SGCD: variants seen among roughly 807,000 people sequenced by gnomAD.
SGCD encodes the protein delta-sarcoglycan.
In SGCD, 18 loss-of-function variants were observed where a neutral mutation model predicts 36.6. The observed-to-expected ratio is 0.49, with a 90% confidence interval of 0.34 to 0.73. The LOEUF (loss-of-function observed/expected upper bound fraction) is 0.73, where lower values mean the gene tolerates loss of function less well. Among genes scored for constraint, SGCD ranks in the 30% least tolerant of loss-of-function variants. The probability of loss-of-function intolerance (pLI) is 0.01; values close to 1 mark genes in which losing one functional copy is unlikely to be tolerated. For missense variants in SGCD, 387 were observed against 346.7 expected (o/e 1.12, Z -0.92); for synonymous variants, 133 against 130.6 (o/e 1.02, Z -0.12).
At chr5:156,636,192 A>G (rs868416417) in intron 6 of SGCD, among the ~76,000 whole-genome samples, 1 of 152,212 alleles carries the variant, frequency 6.6e-6, no homozygotes, top group Non-Finnish European at 1.5e-5. Context: ...AAGCTATTTC[A>G]CTGAGACCAT....
chr5:156,277,528 A>G (rs568196305), intron 3 of SGCD, among the ~76,000 whole-genome samples: 4 of 152,210 alleles, frequency 2.6e-5, no homozygotes, highest in Non-Finnish European at 5.9e-5. Context: ...ACAGCATAAT[A>G]AAACTTGGGT....
chr5:156,168,547 C>T (rs1178880278), intron 3 of SGCD, among the ~76,000 whole-genome samples: 1 of 152,120 alleles, frequency 6.6e-6, no homozygotes, highest in African/African-American at 2.4e-5. Flanking sequence ...TGCACTCCAG[C>T]CGAAGTAATG....
chr5:156,080,517 C>A (rs1305889562), intron 1 of SGCD, among the ~76,000 whole-genome samples: 2 of 152,150 alleles, frequency 1.3e-5, no homozygotes, highest in African/African-American at 4.8e-5. Flanking sequence ...TAAAGTCTAA[C>A]TTTGTTGTTT....
chr5:155,835,947 C>T, the SGCD span, among the ~76,000 whole-genome samples: 1 of 152,142 alleles, frequency 6.6e-6, no homozygotes, highest in East Asian at 1.9e-4. Context: ...AGCCTACCCA[C>T]CCTTTACTGT....
chr5:156,162,388 A>G (rs1246715391), intron 3 of SGCD, among the ~76,000 whole-genome samples: 3 of 151,430 alleles, frequency 2.0e-5, no homozygotes, highest in Non-Finnish European at 4.4e-5. Context: ...TGGTAGCCAG[A>G]GACCCCTTTT....
At chr5:156,073,845 CAGTTGAAAG>C (rs1284217508) in intron 1 of SGCD, among the ~76,000 whole-genome samples, 2 of 152,156 alleles carry the variant, frequency 1.3e-5, no homozygotes, top group Non-Finnish European at 2.9e-5. Context: ...CCCATATGTT[CAGTTGAAAG>C]AGTTGCTCAA....
At chr5:156,009,762 C>T (rs1758822862) in intron 1 of SGCD, among the ~76,000 whole-genome samples, 1 of 152,150 alleles carries the variant, frequency 6.6e-6, no homozygotes, top group Admixed American at 6.5e-5. Flanking sequence ...TTGAATTAGT[C>T]TAATCTGTCC....
chr5:156,471,786 T>A (rs1754975702), intron 3 of SGCD, among the ~76,000 whole-genome samples: 1 of 152,024 alleles, frequency 6.6e-6, no homozygotes, highest in Non-Finnish European at 1.5e-5. Flanking sequence ...AAAAATTAGT[T>A]AGACTTTCTC....
chr5:155,984,619 C>A (rs1758293780), intron 1 of SGCD, among the ~76,000 whole-genome samples: 1 of 152,170 alleles, frequency 6.6e-6, no homozygotes, highest in African/African-American at 2.4e-5. Flanking sequence ...TCCCAGCATT[C>A]CGGTTTCTCA....
intron 7 of SGCD, among the ~76,000 whole-genome samples, chr5:156,690,860 TAA>T (rs1754079229): frequency 6.6e-6 from 1 of 152,046 alleles, no homozygotes; most frequent in Admixed American, 6.6e-5. Flanking sequence ...GGATGACTGT[TAA>T]AGTCAGATGG....
chr5:156,629,529 G>C (rs1349203895), intron 6 of SGCD, among the ~76,000 whole-genome samples: 1 of 152,214 alleles, frequency 6.6e-6, no homozygotes, highest in Non-Finnish European at 1.5e-5. Context: ...ATGCAGGCAA[G>C]CCATCACCTT....
intron 3 of SGCD, among the ~76,000 whole-genome samples, chr5:156,384,954 G>A (rs979058201): frequency 5.9e-5 from 9 of 152,198 alleles, no homozygotes; most frequent in African/African-American, 2.2e-4. Context: ...ACTCAGGCAG[G>A]AGAGATGGCA....
the SGCD span, among the ~76,000 whole-genome samples, chr5:155,804,530 C>T: frequency 6.6e-5 from 10 of 152,140 alleles, no homozygotes; most frequent in Admixed American, 4.6e-4. Flanking sequence ...TTGCTGTGGA[C>T]GCTGGTGCTT....
the SGCD span, among the ~76,000 whole-genome samples, chr5:155,798,755 A>G: frequency 6.6e-6 from 1 of 152,264 alleles, no homozygotes; most frequent in African/African-American, 2.4e-5. Flanking sequence ...CAAAAGAAAA[A>G]AATTTTGGTA....
the SGCD span, among the ~76,000 whole-genome samples, chr5:155,864,809 C>T: frequency 5.3e-5 from 8 of 152,242 alleles, no homozygotes; most frequent in African/African-American, 1.7e-4. Flanking sequence ...CAGATATTTT[C>T]GGTACAGATT....
At chr5:155,949,370 T>TA (rs1295547530) in intron 1 of SGCD, among the ~76,000 whole-genome samples, 1 of 152,222 alleles carries the variant, frequency 6.6e-6, no homozygotes, top group Non-Finnish European at 1.5e-5. Flanking sequence ...GAGTGCTGTG[T>TA]ATCAGATACT....
intron 1 of SGCD, among the ~76,000 whole-genome samples, chr5:156,037,853 CATA>C (rs573225384): frequency 6.6e-6 from 1 of 152,114 alleles, no homozygotes; most frequent in Non-Finnish European, 1.5e-5. Flanking sequence ...TTTGAAGAAA[CATA>C]ATACTTATCA....
At chr5:155,945,002 A>G (rs1432530369) in intron 1 of SGCD, among the ~76,000 whole-genome samples, 1 of 152,178 alleles carries the variant, frequency 6.6e-6, no homozygotes, top group Non-Finnish European at 1.5e-5. Context: ...TTTTCTAGAT[A>G]CCAGTGGTTT....
intron 1 of SGCD, among the ~76,000 whole-genome samples, chr5:155,968,731 C>T (rs189945485): frequency 7.2e-4 from 108 of 150,364 alleles, no homozygotes; most frequent in African/African-American, 2.6e-3. Context: ...ATTCTTCTTA[C>T]GAAACTCCCA....
Sources: gnomAD v4.1 joint callset for allele counts (sites outside exome capture counted in the v4.1 genomes callset) on GRCh38, gnomAD v4.1.1 for gene constraint, MANE v1.5 for transcripts, NCBI Gene and HGNC (gene_info 2026-07-23, HGNC 2026-07-21) for gene names.